Variants in PLEKHM3 observed in about 807,000 individuals in gnomAD.
PLEKHM3 encodes the protein pleckstrin homology domain containing M3.
PLEKHM3 carries 45 observed loss-of-function variants against 81.8 expected under a neutral mutation model. The ratio of observed to expected loss-of-function variants is 0.55; its 90% CI spans 0.43 to 0.71. PLEKHM3 has a LOEUF of 0.71. PLEKHM3 is among the 30% of genes least tolerant of loss of function. The pLI is 0.00. For missense variants in PLEKHM3, 788 were observed against 924.3 expected, an observed-to-expected ratio of 0.85 and a Z score of 1.91; for synonymous variants, 352 against 356.4, an observed-to-expected ratio of 0.99 and a Z score of 0.14.
At chr2:207,935,695 A>G (rs1689727468) in intron 4 of PLEKHM3, among the ~76,000 whole-genome samples, 2 of 152,122 alleles carry the variant, frequency 1.3e-5, no homozygotes, top group African/African-American at 4.8e-5. Flanking sequence ...TAGAGCCACA[A>G]CTCAGATCCC....
chr2:207,968,754 A>G (rs1396952576), intron 3 of PLEKHM3, among the ~76,000 whole-genome samples: 60 of 152,368 alleles, frequency 3.9e-4, no homozygotes, highest in Non-Finnish European at 1.9e-4. Flanking sequence ...AATAAAATTT[A>G]GCCCTTTATC....
At position 207,859,758 on chromosome 2, in the gene PLEKHM3, C is replaced by T. The variant is rs536589269; in HGVS notation, c.2108+1347G>A. On this transcript the variant is annotated intron_variant, in intron 7 of 7. Transcript: ENST00000427836. ...GGTTACAGGTGCCTGCTACCATGCC[C>T]GGCTAATTTTTGTATCTTTAGTAGA... Among the ~76,000 whole-genome samples, 9 of 151,982 alleles carry T rather than the reference C, an allele frequency of 5.9e-5. No individual in the cohort carries two copies. The East Asian group carries it at 7.8e-4, about 13-fold the overall frequency.
chr2:207,942,435 C>T (rs1689971997), intron 4 of PLEKHM3, among the ~76,000 whole-genome samples: 1 of 152,072 alleles, frequency 6.6e-6, no homozygotes, highest in Admixed American at 6.6e-5. Context: ...CTGCTTGAGC[C>T]CAGGAGGTCA....
chr2:207,890,120 T>A (rs1489691441), intron 6 of PLEKHM3, among the ~76,000 whole-genome samples: 5 of 152,186 alleles, frequency 3.3e-5, no homozygotes, highest in Admixed American at 3.3e-4. Context: ...GTTCATTTTT[T>A]AAAAATTGCA....
chr2:207,865,804 ATATATATATATATATATAT>A (rs2092496512), intron 6 of PLEKHM3, among the ~76,000 whole-genome samples: 3 of 30,920 alleles, frequency 9.7e-5, no homozygotes, highest in Non-Finnish European at 1.8e-4. Context: ...AAAAAAAAAG[ATATATATATATATATATAT>A]ATATATATAT....
At chr2:207,935,433 T>C (rs1689719875) in intron 4 of PLEKHM3, among the ~76,000 whole-genome samples, 1 of 152,222 alleles carries the variant, frequency 6.6e-6, no homozygotes, top group Admixed American at 6.5e-5. Flanking sequence ...TTCTCTACCT[T>C]GCTGCATCCT....
intron 2 of PLEKHM3, among the ~76,000 whole-genome samples, chr2:207,981,438 G>A (rs918371995): frequency 2.0e-5 from 3 of 152,024 alleles, no homozygotes; most frequent in Non-Finnish European, 2.9e-5. Context: ...TGAACTCCTA[G>A]AGGTTCAAAC....
Position 208,001,282 on chromosome 2 carries a change from A to G in PLEKHM3, c.358T>C (p.Phe120Leu). Residue 120 changes from phenylalanine to leucine, a missense_variant, in exon 2 of 8, where the codon TTC becomes CTC. Transcript: ENST00000427836. The part of the protein sequence containing the change: ...EQKEASTFNF[F>L]NICQRRRDRP... ...TCCCTCCGACGCTGACAGATATTGA[A>G]GAAATTAAAGGTTGATGCTTCCTTT... 6.2e-7 allele frequency: 1 copy of G among 1,614,216 alleles called. No individual in the cohort carries two copies. Among genetic ancestry groups the G allele is most frequent in the Non-Finnish European group, 8.5e-7 (1 of 1,180,032 alleles).
At chr2:208,020,797 A>T (rs532918020) in intron 1 of PLEKHM3, among the ~76,000 whole-genome samples, 1 of 152,332 alleles carries the variant, frequency 6.6e-6, no homozygotes, top group Non-Finnish European at 1.5e-5. Context: ...TTGGCCAGCA[A>T]CCAATGGGGC....
At chr2:207,841,277 C>T (rs1364302813) in intron 7 of PLEKHM3, among the ~76,000 whole-genome samples, 1 of 149,726 alleles carries the variant, frequency 6.7e-6, no homozygotes, top group Non-Finnish European at 1.5e-5. Flanking sequence ...CCAGCCTGAC[C>T]AACATGGTGA....
intron 7 of PLEKHM3, among the ~76,000 whole-genome samples, chr2:207,830,822 C>T (rs372978691): frequency 1.2e-4 from 18 of 152,092 alleles, no homozygotes; most frequent in African/African-American, 4.3e-4. Flanking sequence ...GGAGAGGCCT[C>T]TCCAGAAACC....
At chr2:207,989,469 T>A (rs1691828455) in intron 2 of PLEKHM3, among the ~76,000 whole-genome samples, 1 of 152,200 alleles carries the variant, frequency 6.6e-6, no homozygotes, top group Admixed American at 6.5e-5. Context: ...CACTTAGATT[T>A]TCCCTTTCCT....
At chr2:207,968,121 A>C (rs1690981479) in intron 3 of PLEKHM3, among the ~76,000 whole-genome samples, 1 of 151,802 alleles carries the variant, frequency 6.6e-6, no homozygotes, top group Non-Finnish European at 1.5e-5. Context: ...GGCTTTGCCA[A>C]ATGCTTTCCT....
At chr2:207,847,078 T>C (rs940321049) in intron 7 of PLEKHM3, among the ~76,000 whole-genome samples, 1 of 152,326 alleles carries the variant, frequency 6.6e-6, no homozygotes, top group East Asian at 1.9e-4. Context: ...ATTAACCAGA[T>C]ACCTAACTAG....
Position 207,946,366 on chromosome 2 carries a change from C to G in PLEKHM3, c.1692+1G>C. ...TAAGTGAACTGAGTTTTTGTACCTA[C>G]CTTATACTTTGAAGTATCCCAGTTG... On this transcript the variant is annotated splice_donor_variant, in intron 4 of 7. Coordinates refer to ENST00000427836, the MANE Select transcript of PLEKHM3 (RefSeq NM_001080475.3). LOFTEE classifies it high-confidence loss of function. The G allele has an allele frequency of 6.2e-7, 1 of 1,613,130 alleles. No individual in the cohort carries two copies. The highest frequency in any genetic ancestry group is 8.5e-7 in the Non-Finnish European group (1 of 1,179,460).
At chr2:207,920,873 C>T (rs1689158681) in intron 5 of PLEKHM3, among the ~76,000 whole-genome samples, 1 of 152,132 alleles carries the variant, frequency 6.6e-6, no homozygotes. Context: ...AATTGTCATG[C>T]CTGGTTCTCC....
At chr2:207,980,726 A>G (rs1443553128) in intron 2 of PLEKHM3, among the ~76,000 whole-genome samples, 4 of 152,066 alleles carry the variant, frequency 2.6e-5, no homozygotes, top group African/African-American at 9.7e-5. Flanking sequence ...ATGCCACCAC[A>G]CCTGGCTAAT....
chr2:207,903,664 T>A (rs1339321371), intron 6 of PLEKHM3, among the ~76,000 whole-genome samples: 1 of 152,132 alleles, frequency 6.6e-6, no homozygotes, highest in East Asian at 1.9e-4. Flanking sequence ...TAAACCAGAG[T>A]TCTGATTTGC....
chr2:207,837,632 CTTT>C (rs756408346), intron 7 of PLEKHM3, among the ~76,000 whole-genome samples: 1 of 106,002 alleles, frequency 9.4e-6, no homozygotes, highest in Non-Finnish European at 1.8e-5. Context: ...ATAGTTCTCC[CTTT>C]TTTTTTTTTT....
Sources: allele counts gnomAD v4.1 joint callset (sites outside exome capture counted in the v4.1 genomes callset), GRCh38; gene constraint gnomAD v4.1.1; transcripts MANE v1.5; gene names NCBI Gene and HGNC (gene_info 2026-07-23, HGNC 2026-07-21).